LRBA: variants seen among roughly 807,000 people sequenced by gnomAD.
The protein encoded by LRBA is lipopolysaccharide-responsive and beige-like anchor protein.
Under a neutral mutation model 330.0 loss-of-function variants are expected in LRBA, and 176 were observed. That is an observed-to-expected ratio of 0.53 (90% CI 0.47 to 0.60). The LOEUF is 0.60. Among genes scored for constraint, LRBA ranks in the 20% least tolerant of loss-of-function variants. LRBA has a pLI of 0.00. For missense variants in LRBA, 3,259 were observed against 3,444.8 expected (o/e 0.95, Z 1.35); for synonymous variants, 1,230 against 1,193.0 (o/e 1.03, Z -0.64).
At chr4:150,360,623 C>T (rs1209017557) in intron 47 of LRBA, among the ~76,000 whole-genome samples, 2 of 152,138 alleles carry the variant, frequency 1.3e-5, no homozygotes, top group Non-Finnish European at 2.9e-5. Flanking sequence ...ATACTTAACA[C>T]TTTTAAAATA....
At position 150,867,815 on chromosome 4, in the gene LRBA, G is replaced by C. The variant is rs773958008; in HGVS notation, c.2622C>G (p.Cys874Trp). The C allele has an allele frequency of 6.2e-7, 1 of 1,613,476 alleles. No homozygotes were observed. The highest frequency in any genetic ancestry group is 1.7e-5 in the Admixed American group (1 of 59,980). The part of the protein sequence containing the change: ...SVWQEWMLSL[C>W]YFNPKNSDEQ... ...CATCTGAATTCTTAGGATTAAAATA[G>C]CAGAGAGAAAGCATCCATTCTTGCC... Residue 874 changes from cysteine (C) to tryptophan (W), a missense_variant, in exon 22 of 57, where the codon TGC (cysteine) becomes TGG (tryptophan). By Grantham distance (215) the Cys-to-Trp change is radical (BLOSUM62 -2). Transcript: ENST00000651943.
chr4:150,357,367 CAT>C, intron 47 of LRBA, among the ~76,000 whole-genome samples: 1 of 152,016 alleles, frequency 6.6e-6, no homozygotes, highest in South Asian at 2.1e-4. Flanking sequence ...CTTTGAAATT[CAT>C]AGTTTTAATC....
Position 150,738,542 on chromosome 4 carries a change from T to C in LRBA, c.5646-3176A>G, listed in dbSNP as rs1341577781. On this transcript the variant is annotated intron_variant, in intron 35 of 56. Coordinates refer to ENST00000651943, the MANE Select transcript of LRBA (RefSeq NM_001364905.1). Reference sequence around the variant, plus strand: ...AAGTCAAGGAAAACAATTGGAGCAATGAAAATGACAAACGTGGGTAAATCT... The same window carrying C: ...AAGTCAAGGAAAACAATTGGAGCAACGAAAATGACAAACGTGGGTAAATCT... 1.1e-4 allele frequency among the ~76,000 whole-genome samples: 16 copies of C among 152,200 alleles called. No individual in the cohort carries two copies. In the South Asian group the frequency reaches 3.1e-3, roughly 30 times the overall value.
At chr4:150,312,798 C>T (rs1266370526) in intron 51 of LRBA, among the ~76,000 whole-genome samples, 2 of 151,982 alleles carry the variant, frequency 1.3e-5, no homozygotes, top group Non-Finnish European at 2.9e-5. Flanking sequence ...GCCACTAATG[C>T]AGAGAGTTCA....
chr4:150,583,456 T>C lies in LRBA; in HGVS notation c.6330+4592A>G. Reference sequence around the variant, plus strand: ...GCTGGTGGCCCAGGCGGTGGACAAGTGCAGCTATCGGGATGTGGTCAAGAT... The same window carrying C: ...GCTGGTGGCCCAGGCGGTGGACAAGCGCAGCTATCGGGATGTGGTCAAGAT... On this transcript the variant is annotated intron_variant, in intron 40 of 56. Coordinates refer to ENST00000651943, the MANE Select transcript of LRBA (RefSeq NM_001364905.1). The surrounding 1 kb of genome is among the most constrained non-coding windows in gnomAD (Gnocchi z 9.8). The C allele has an allele frequency of 6.2e-7, 1 of 1,613,848 alleles. No homozygotes were observed. Among genetic ancestry groups the C allele is most frequent in the East Asian group, 2.2e-5 (1 of 44,844 alleles).
intron 47 of LRBA, among the ~76,000 whole-genome samples, chr4:150,379,276 C>A: frequency 8.4e-6 from 1 of 119,114 alleles, no homozygotes; most frequent in African/African-American, 3.1e-5. Context: ...GCACTCCAGC[C>A]TGGGCAACAA....
intron 35 of LRBA, among the ~76,000 whole-genome samples, chr4:150,748,995 A>T (rs1733154860): frequency 6.6e-6 from 1 of 152,164 alleles, no homozygotes; most frequent in Non-Finnish European, 1.5e-5. Context: ...TGGACTTCTA[A>T]GCCTCTAAAA....
In LRBA at chr4:150,471,367, T is replaced by A. The variant is rs17589134; in HGVS notation, c.6667+257A>T. Among the ~76,000 whole-genome samples, 22,012 of 152,084 alleles carry A rather than the reference T, an allele frequency of 0.14. 1,633 individuals are homozygous for A. The highest frequency in any genetic ancestry group is 0.18 in the Middle Eastern group (53 of 294). The stretch of plus-strand genomic sequence containing the variant: ...TAATTTCCCTCTCTCCCTGTCCTTT[T>A]AATCACCACAGTACTTTGAGTTTTT... On this transcript the variant is annotated intron_variant, in intron 43 of 56. Coordinates refer to ENST00000651943, the MANE Select transcript of LRBA (RefSeq NM_001364905.1).
intron 51 of LRBA, among the ~76,000 whole-genome samples, chr4:150,313,930 G>A (rs56398631): frequency 0.17 from 26,378 of 151,098 alleles, 2,770 homozygotes; most frequent in East Asian, 0.26. Flanking sequence ...GACTGTGTTT[G>A]AATGTGACCT....
At chr4:150,416,344 T>C (rs1230966111) in intron 46 of LRBA, among the ~76,000 whole-genome samples, 1 of 152,216 alleles carries the variant, frequency 6.6e-6, no homozygotes, top group South Asian at 2.1e-4. Flanking sequence ...AGATATCCCC[T>C]CAGGGCCAGC....
At chr4:150,637,065 G>A (rs986251411) in intron 37 of LRBA, among the ~76,000 whole-genome samples, 4 of 151,754 alleles carry the variant, frequency 2.6e-5, no homozygotes, top group Admixed American at 1.3e-4. Flanking sequence ...TTCATCTTAC[G>A]TGTATTTATA....
At chr4:150,457,834 A>G (rs2152042886) in intron 44 of LRBA, among the ~76,000 whole-genome samples, 1 of 152,092 alleles carries the variant, frequency 6.6e-6, no homozygotes, top group African/African-American at 2.4e-5. Context: ...GCATTATGGG[A>G]TAAAATTAAT....
chr4:150,792,380 G>A (rs1239887798), intron 34 of LRBA, among the ~76,000 whole-genome samples: 1 of 152,180 alleles, frequency 6.6e-6, no homozygotes, highest in Non-Finnish European at 1.5e-5. Flanking sequence ...GGGATTGATT[G>A]AAAAGAGGCA....
At chr4:150,524,350 C>T (rs1387338995) in intron 40 of LRBA, among the ~76,000 whole-genome samples, 2 of 152,152 alleles carry the variant, frequency 1.3e-5, no homozygotes, top group African/African-American at 4.8e-5. Flanking sequence ...AGGCTTCTTG[C>T]AATGTTTATT....
chr4:150,317,639 C>A (rs1731891621), intron 50 of LRBA, among the ~76,000 whole-genome samples: 1 of 152,106 alleles, frequency 6.6e-6, no homozygotes, highest in Admixed American at 6.6e-5. Context: ...TCCAGCAATA[C>A]CAGTGTCAAT....
chr4:150,809,075 G>A (rs1198410499), intron 31 of LRBA, among the ~76,000 whole-genome samples: 1 of 152,178 alleles, frequency 6.6e-6, no homozygotes, highest in Non-Finnish European at 1.5e-5. Flanking sequence ...CCCAGAGAAA[G>A]TTATTGGAGC....
chr4:151,008,397 T>C (rs1250427503), intron 2 of LRBA, among the ~76,000 whole-genome samples: 1 of 152,006 alleles, frequency 6.6e-6, no homozygotes, highest in African/African-American at 2.4e-5. Flanking sequence ...TAGTGGTTTT[T>C]ATGGCATGTA....
At chr4:150,842,096 A>C (rs1749174370) in intron 28 of LRBA, among the ~76,000 whole-genome samples, 1 of 152,184 alleles carries the variant, frequency 6.6e-6, no homozygotes, top group African/African-American at 2.4e-5. Flanking sequence ...ACTTAAAATT[A>C]TTTATGACTT....
chr4:150,606,762 T>C (rs1774676994), intron 37 of LRBA, among the ~76,000 whole-genome samples: 1 of 152,232 alleles, frequency 6.6e-6, no homozygotes, highest in Non-Finnish European at 1.5e-5. Flanking sequence ...AACATCTTAT[T>C]CGTTACTATT....
Sources: gnomAD v4.1 joint callset for allele counts (sites outside exome capture counted in the v4.1 genomes callset) on GRCh38, gnomAD v4.1.1 for gene constraint, Gnocchi (gnomAD v3.1) non-coding constraint, MANE v1.5 for transcripts, NCBI Gene and HGNC (gene_info 2026-07-23, HGNC 2026-07-21) for gene names.